The following CCDC91 variants were observed in gnomAD, a reference collection of about 807,000 sequenced individuals.
The protein encoded by CCDC91 is coiled-coil domain-containing protein 91.
In CCDC91, 48 loss-of-function variants were observed where a neutral mutation model predicts 63.2. The ratio of observed to expected loss-of-function variants is 0.76; its 90% CI spans 0.60 to 0.97. CCDC91 has a LOEUF of 0.97. Ranked by LOEUF, CCDC91 falls within the 50% of genes least tolerant of loss-of-function variation. The pLI, the probability that CCDC91 is intolerant of heterozygous loss-of-function variation, is 0.00. For missense variants in CCDC91, 500 were observed against 494.6 expected, an observed-to-expected ratio of 1.01 and a Z score of -0.10; for synonymous variants, 167 against 165.8, an observed-to-expected ratio of 1.01 and a Z score of -0.06.
intron 3 of CCDC91, among the ~76,000 whole-genome samples, chr12:28,275,479 A>G (rs1285375358): frequency 6.6e-6 from 1 of 152,196 alleles, no homozygotes; most frequent in Non-Finnish European, 1.5e-5. Flanking sequence ...GCAGTAAGTA[A>G]TAGCTTACCA....
intron 5 of CCDC91, 126 bp downstream of exon 5, chr12:28,307,071 G>A: frequency 1.6e-6 from 1 of 622,632 alleles, no homozygotes; most frequent in Non-Finnish European, 2.7e-6. Context: ...TAGGTTTAAA[G>A]CAGTCATGAG....
intron 8 of CCDC91, among the ~76,000 whole-genome samples, chr12:28,446,051 G>C (rs1949483501): frequency 7.0e-6 from 1 of 142,838 alleles, no homozygotes; most frequent in African/African-American, 2.4e-5. Flanking sequence ...TAAAGGGCAA[G>C]AGCAAGGCAT....
At chr12:28,379,503 G>T (rs1484061391) in intron 7 of CCDC91, among the ~76,000 whole-genome samples, 1 of 148,178 alleles carries the variant, frequency 6.7e-6, no homozygotes, top group African/African-American at 2.5e-5. Context: ...CAAAGGATAT[G>T]AACAGACACT....
intron 12 of CCDC91, among the ~76,000 whole-genome samples, chr12:28,538,934 G>A (rs182448711): frequency 5.9e-5 from 9 of 152,248 alleles, no homozygotes; most frequent in Admixed American, 3.3e-4. Context: ...GACATCCTTC[G>A]CCCACTTTTT....
At chr12:28,476,132 CT>C (rs80095849) in intron 11 of CCDC91, among the ~76,000 whole-genome samples, 1 of 151,908 alleles carries the variant, frequency 6.6e-6, no homozygotes, top group East Asian at 1.9e-4. Context: ...ATCTAAAAGA[CT>C]TTCTCGTAAC....
At chr12:28,380,341 G>T (rs1945222134) in intron 7 of CCDC91, among the ~76,000 whole-genome samples, 1 of 151,898 alleles carries the variant, frequency 6.6e-6, no homozygotes, top group Non-Finnish European at 1.5e-5. Flanking sequence ...AAAAAGATGT[G>T]TAGAGTTTAG....
At chr12:28,437,926 G>A (rs1378592597) in intron 8 of CCDC91, among the ~76,000 whole-genome samples, 1 of 151,876 alleles carries the variant, frequency 6.6e-6, no homozygotes, top group African/African-American at 2.4e-5. Context: ...ACTGTATTAG[G>A]CACATTACCA....
chr12:28,246,469 T>C (rs1393678877), intron 1 of CCDC91, among the ~76,000 whole-genome samples: 1 of 152,182 alleles, frequency 6.6e-6, no homozygotes, highest in Non-Finnish European at 1.5e-5. Context: ...ATTTTTACTT[T>C]TAATCATTAG....
intron 6 of CCDC91, among the ~76,000 whole-genome samples, chr12:28,356,985 C>T: frequency 6.6e-6 from 1 of 152,140 alleles, no homozygotes; most frequent in Admixed American, 6.5e-5. Flanking sequence ...AGCAGAGGAT[C>T]CTGTTGCTAT....
intron 12 of CCDC91, among the ~76,000 whole-genome samples, chr12:28,488,775 C>G (rs1268840348): frequency 1.3e-5 from 2 of 151,796 alleles, no homozygotes; most frequent in African/African-American, 4.8e-5. Flanking sequence ...TATATTTAAT[C>G]TTTCTGTGGA....
chr12:28,198,663 C>A (rs1027681651), intron 1 of CCDC91, among the ~76,000 whole-genome samples: 8 of 152,096 alleles, frequency 5.3e-5, no homozygotes, highest in African/African-American at 1.9e-4. Flanking sequence ...TAAGTTTTAT[C>A]TCTTGTTGGT....
intron 3 of CCDC91, among the ~76,000 whole-genome samples, chr12:28,270,886 G>T (rs1947723884): frequency 6.6e-6 from 1 of 152,014 alleles, no homozygotes; most frequent in African/African-American, 2.4e-5. Flanking sequence ...ACAAATTATT[G>T]TATATCAAGC....
At chr12:28,513,909 A>G (rs1223270148) in intron 12 of CCDC91, among the ~76,000 whole-genome samples, 3 of 151,822 alleles carry the variant, frequency 2.0e-5, no homozygotes, top group Admixed American at 6.6e-5. Flanking sequence ...TGTGAATAGC[A>G]CAGCAGTGGA....
intron 3 of CCDC91, among the ~76,000 whole-genome samples, chr12:28,283,049 T>C (rs1181072643): frequency 6.6e-6 from 1 of 152,154 alleles, no homozygotes; most frequent in Non-Finnish European, 1.5e-5. Context: ...AGGTTCTCCA[T>C]TCTGTTCTAT....
intron 6 of CCDC91, among the ~76,000 whole-genome samples, chr12:28,321,029 A>C (rs776057937): frequency 6.6e-6 from 1 of 151,938 alleles, no homozygotes; most frequent in East Asian, 1.9e-4. Context: ...AGGAATAGGT[A>C]AGAAATCTAC....
chr12:28,490,907 G>T (rs1951964508), intron 12 of CCDC91, among the ~76,000 whole-genome samples: 1 of 137,070 alleles, frequency 7.3e-6, no homozygotes, highest in Non-Finnish European at 1.6e-5. Context: ...TTGGTGAGAT[G>T]ACCCTATTTG....
intron 1 of CCDC91, among the ~76,000 whole-genome samples, chr12:28,224,643 C>T (rs1226900960): frequency 6.6e-6 from 1 of 152,118 alleles, no homozygotes. Flanking sequence ...GGGTTTGCAT[C>T]TGTAGGTACA....
At chr12:28,471,995 C>T (rs1312727848) in intron 11 of CCDC91, among the ~76,000 whole-genome samples, 2 of 152,160 alleles carry the variant, frequency 1.3e-5, no homozygotes, top group African/African-American at 2.4e-5. Context: ...AAGTGATCAG[C>T]CCGCTTCATC....
intron 12 of CCDC91, among the ~76,000 whole-genome samples, chr12:28,517,810 C>T (rs533335732): frequency 1.3e-5 from 2 of 151,942 alleles, no homozygotes; most frequent in African/African-American, 2.4e-5. Context: ...CCCTGAGTCC[C>T]GAAAGTCCAC....
Sources: gnomAD v4.1 joint callset for allele counts (sites outside exome capture counted in the v4.1 genomes callset) on GRCh38, gnomAD v4.1.1 for gene constraint, MANE v1.5 for transcripts, NCBI Gene and HGNC (gene_info 2026-07-23, HGNC 2026-07-21) for gene names.